The following CACNA1C variants were observed in gnomAD, a reference collection of about 807,000 sequenced individuals.
CACNA1C encodes calcium voltage-gated channel subunit alpha1 C, also known as voltage-dependent L-type calcium channel subunit alpha-1C.
In CACNA1C, 30 loss-of-function variants were observed where a neutral mutation model predicts 229.0. The observed-to-expected ratio is 0.13, with a 90% CI of 0.10 to 0.18. The LOEUF is 0.18. CACNA1C is among the 10% of genes least tolerant of loss of function. The pLI, the probability that CACNA1C is intolerant of heterozygous loss-of-function variation, is 1.00. For synonymous variants in CACNA1C, 1,114 were observed against 1,132.5 expected (o/e 0.98, Z 0.33); for missense variants, 1,658 against 2,845.0 (o/e 0.58, Z 9.49).
intron 3 of CACNA1C, among the ~76,000 whole-genome samples, chr12:2,168,260 C>T (rs1188288733): frequency 1.3e-5 from 2 of 152,136 alleles, no homozygotes; most frequent in Non-Finnish European, 1.5e-5. Flanking sequence ...AGAAACATTG[C>T]TGGGCATCTG....
intron 1 of CACNA1C, among the ~76,000 whole-genome samples, chr12:1,979,851 C>A (rs994932473): frequency 1.3e-5 from 2 of 152,048 alleles, no homozygotes; most frequent in African/African-American, 4.8e-5. Flanking sequence ...CATAGGTTTC[C>A]AATGTCCAAT....
chr12:2,221,233 A>T (rs1360166044), intron 3 of CACNA1C, among the ~76,000 whole-genome samples: 1 of 152,114 alleles, frequency 6.6e-6, no homozygotes, highest in Non-Finnish European at 1.5e-5. Flanking sequence ...GTGTGGGGAG[A>T]GGGAGTGCTA....
At chr12:2,583,557 A>G (rs1363571620) in intron 15 of CACNA1C, among the ~76,000 whole-genome samples, 2 of 152,184 alleles carry the variant, frequency 1.3e-5, no homozygotes, top group Admixed American at 1.3e-4. Flanking sequence ...GCCAGGGGTA[A>G]CATAGGAACA....
chr12:2,623,306 C>G (rs1376719254), intron 29 of CACNA1C, among the ~76,000 whole-genome samples: 1 of 152,116 alleles, frequency 6.6e-6, no homozygotes, highest in Non-Finnish European at 1.5e-5. Flanking sequence ...AGAAGCTTCG[C>G]TGTTCCTCGT....
chr12:2,235,883 T>G (rs1048422262), intron 3 of CACNA1C, among the ~76,000 whole-genome samples: 2 of 152,220 alleles, frequency 1.3e-5, no homozygotes, highest in Admixed American at 1.3e-4. Context: ...CAGTGCTTAC[T>G]ACATGCCTTA....
chr12:2,203,616 C>T (rs950506639), intron 3 of CACNA1C, among the ~76,000 whole-genome samples: 7 of 152,124 alleles, frequency 4.6e-5, no homozygotes, highest in African/African-American at 1.4e-4. Flanking sequence ...TCCAGGGATC[C>T]GCATTCTTAG....
At chr12:2,037,604 G>T (rs2049370246) in intron 1 of CACNA1C, among the ~76,000 whole-genome samples, 1 of 152,182 alleles carries the variant, frequency 6.6e-6, no homozygotes, top group Admixed American at 6.5e-5. Flanking sequence ...TGCAGGTCAG[G>T]CAGGGGTGCA....
rs572732378 is a variant in CACNA1C, at chr12:2,639,113, C to T, written c.3912+4733C>T. ...AGGACCGTCTTCAGGCCCCCTCGTGCGGTCATGCTGAATTCAGCCTCAGTA... is the reference window on the plus strand; with the variant it reads ...AGGACCGTCTTCAGGCCCCCTCGTGTGGTCATGCTGAATTCAGCCTCAGTA... On this transcript the variant is annotated intron_variant, in intron 30 of 46. Transcript: ENST00000399655. This position sits in a 1 kb window ranked among gnomAD's most constrained non-coding sequence, Gnocchi z 4.2. Among the ~76,000 whole-genome samples the T allele has an allele frequency of 5.3e-5, 8 of 152,334 alleles. No individual in the cohort carries two copies. The highest frequency in any genetic ancestry group is 1.9e-4 in the East Asian group (1 of 5,180).
At chr12:2,401,530 G>A (rs950420365) in intron 3 of CACNA1C, among the ~76,000 whole-genome samples, 5 of 152,182 alleles carry the variant, frequency 3.3e-5, no homozygotes, top group African/African-American at 1.2e-4. Flanking sequence ...TATAGAGCTA[G>A]CAGACAGGAG....
intron 3 of CACNA1C, among the ~76,000 whole-genome samples, chr12:2,372,534 A>G (rs1265426782): frequency 1.3e-5 from 2 of 152,100 alleles, no homozygotes; most frequent in Non-Finnish European, 2.9e-5. Flanking sequence ...ACTGGAAAAT[A>G]TTACATTTTC....
rs2153668917 is a variant in CACNA1C at position 2,655,191 on chromosome 12, G to A, written c.4185G>A (p.Arg1395=). ...IALNDTTEIN[R]NNNFQTFPQA... ...TGAATGATACCACAGAGATCAACCG[G>A]AACAACAACTTTCAGACCTTCCCCC... is the stretch of plus-strand genomic sequence containing the variant. The change falls in exon 34 of 47, where the codon CGG becomes CGA. Residue 1395 remains arginine (R), a synonymous_variant. Coordinates refer to ENST00000399655, the MANE Select transcript of CACNA1C (RefSeq NM_000719.7). 6.2e-7 allele frequency: 1 copy of A among 1,613,868 alleles called. No individual in the cohort carries two copies. The highest frequency in any genetic ancestry group is 8.5e-7 in the Non-Finnish European group (1 of 1,179,814).
chr12:2,006,270 T>C (rs1271713090), intron 1 of CACNA1C, among the ~76,000 whole-genome samples: 1 of 151,260 alleles, frequency 6.6e-6, no homozygotes, highest in Non-Finnish European at 1.5e-5. Flanking sequence ...TAGCCAGGAG[T>C]GGTGGCAGGT....
chr12:2,688,835 G>A, intron 46 of CACNA1C, 56 bp downstream of exon 46: 1 of 1,349,882 alleles, frequency 7.4e-7, no homozygotes, highest in Non-Finnish European at 9.8e-7. Flanking sequence ...AGGGGACTTG[G>A]CATGCGGGGC....
intron 3 of CACNA1C, among the ~76,000 whole-genome samples, chr12:2,443,804 G>A (rs1282541182): frequency 6.6e-6 from 1 of 152,156 alleles, no homozygotes; most frequent in Non-Finnish European, 1.5e-5. Flanking sequence ...GCCCTTAGAT[G>A]TTTCTATGAC....
chr12:2,096,218 A>G (rs2154089388), intron 1 of CACNA1C, among the ~76,000 whole-genome samples: 1 of 152,336 alleles, frequency 6.6e-6, no homozygotes, highest in Non-Finnish European at 1.5e-5. Context: ...TTTGAAGGTG[A>G]GTCTGGTTTT....
At chr12:2,274,176 C>T (rs1259929042) in intron 3 of CACNA1C, among the ~76,000 whole-genome samples, 1 of 152,200 alleles carries the variant, frequency 6.6e-6, no homozygotes, top group Non-Finnish European at 1.5e-5. Context: ...CTGTGGGCCC[C>T]ATTTCTAAGC....
chr12:2,255,421 G>A lies in CACNA1C; in HGVS notation c.477+134991G>A, dbSNP rs367598394. Among the ~76,000 whole-genome samples the A allele has an allele frequency of 3.3e-5, 5 of 152,176 alleles. No homozygotes were observed. The East Asian group carries it at 9.6e-4, about 29-fold the overall frequency. On this transcript the variant is annotated intron_variant, in intron 3 of 46. Transcript: ENST00000399655. ...CCTAGATCCAGGTCCATTTACTAAT[G>A]TCCTTGCCCATCCATGCCTGCAAGA...
Position 2,549,932 on chromosome 12 carries a change from G to T in CACNA1C, c.1391-11G>T. 1.3e-6 allele frequency: 2 copies of T among 1,587,388 alleles called. No homozygotes were observed. Among genetic ancestry groups the T allele is most frequent in the Non-Finnish European group, 1.7e-6 (2 of 1,164,474 alleles). ...TCAATGCCTGGCTCTGCTTCCCTTTGACTCTTGCAGTGAGCATGCCCACCA... is the reference window on the plus strand; with the variant it reads ...TCAATGCCTGGCTCTGCTTCCCTTTTACTCTTGCAGTGAGCATGCCCACCA... On this transcript the variant is annotated splice_polypyrimidine_tract_variant and intron_variant, in intron 9 of 46. Transcript: ENST00000399655.
intron 3 of CACNA1C, among the ~76,000 whole-genome samples, chr12:2,412,023 G>C (rs1237908693): frequency 1.3e-5 from 2 of 152,094 alleles, no homozygotes; most frequent in African/African-American, 4.8e-5. Flanking sequence ...CTCGAGCTAG[G>C]CCCTGGCTCC....
Sources: gnomAD v4.1 joint callset for allele counts (sites outside exome capture counted in the v4.1 genomes callset) on GRCh38, gnomAD v4.1.1 for gene constraint, Gnocchi (gnomAD v3.1) non-coding constraint, MANE v1.5 for transcripts, NCBI Gene and HGNC (gene_info 2026-07-23, HGNC 2026-07-21) for gene names.